Variants in DNAH12 observed in about 807,000 individuals in gnomAD.
DNAH12 encodes dynein axonemal heavy chain 12.
DNAH12 carries 285 observed loss-of-function variants against 371.5 expected under a neutral mutation model. That is an observed-to-expected ratio of 0.77 (90% CI 0.70 to 0.85). The LOEUF (loss-of-function observed/expected upper bound fraction) is 0.85. DNAH12 is among the 40% of genes least tolerant of loss of function. The pLI is 0.00. For missense variants in DNAH12, 3,611 were observed against 3,689.4 expected (o/e 0.98, Z 0.55); for synonymous variants, 1,200 against 1,213.0 (o/e 0.99, Z 0.22).
intron 13 of DNAH12, among the ~76,000 whole-genome samples, chr3:57,479,626 C>T (rs1479721928): frequency 6.6e-6 from 1 of 152,194 alleles, no homozygotes; most frequent in Non-Finnish European, 1.5e-5. Flanking sequence ...ACATTCTTCT[C>T]AGCACCACAC....
At chr3:57,451,736 G>A (rs1304633821) in intron 25 of DNAH12, among the ~76,000 whole-genome samples, 1 of 152,180 alleles carries the variant, frequency 6.6e-6, no homozygotes, top group Non-Finnish European at 1.5e-5. Context: ...CACACCAGGA[G>A]TGTCCGGTGA....
At chr3:57,550,158 G>GT in the DNAH12 span, among the ~76,000 whole-genome samples, 3 of 151,772 alleles carry the variant, frequency 2.0e-5, no homozygotes, top group Non-Finnish European at 4.4e-5. Context: ...ACAAAAAAAA[G>GT]TTTTTTTAAT....
chr3:57,323,651 C>T, intron 62 of DNAH12, 32 bp from the exon 63 acceptor site: 1 of 1,480,204 alleles, frequency 6.8e-7, no homozygotes, highest in Non-Finnish European at 9.0e-7. Flanking sequence ...ATCTTTAGAG[C>T]AACTTTTATT....
intron 42 of DNAH12, among the ~76,000 whole-genome samples, chr3:57,404,686 C>T (rs782728874): frequency 6.6e-6 from 1 of 152,074 alleles, no homozygotes; most frequent in Admixed American, 6.5e-5. Context: ...TGCCATTGCA[C>T]TCCAATCTGG....
intron 59 of DNAH12, among the ~76,000 whole-genome samples, chr3:57,354,418 A>G (rs1321108545): frequency 4.6e-5 from 7 of 152,044 alleles, no homozygotes; most frequent in African/African-American, 1.7e-4. Context: ...TGGGTGATGA[A>G]ATAATCTGTA....
At chr3:57,294,041 T>G in intron 73 of DNAH12, 70 bp from the exon 74 acceptor site, 1 of 1,307,982 alleles carries the variant, frequency 7.6e-7, no homozygotes, top group Non-Finnish European at 1.0e-6. Flanking sequence ...AAAGAACTAT[T>G]TATCTTGTAA....
intron 35 of DNAH12, among the ~76,000 whole-genome samples, chr3:57,422,585 T>C (rs2153361865): frequency 6.6e-6 from 1 of 152,288 alleles, no homozygotes; most frequent in Non-Finnish European, 1.5e-5. Context: ...GAAGGATTGC[T>C]TGAGGCCAGG....
intron 29 of DNAH12, among the ~76,000 whole-genome samples, chr3:57,442,849 C>A (rs948668491): frequency 6.6e-6 from 1 of 152,044 alleles, no homozygotes; most frequent in East Asian, 1.9e-4. Context: ...AATAAAGATG[C>A]CTTTAAGTTA....
chr3:57,310,948 T>C lies in DNAH12; in HGVS notation c.10665A>G (p.Leu3555=), dbSNP rs1232018681. Residue 3555 remains leucine (L), a splice_region_variant and synonymous_variant, in exon 67 of 74, where the codon TTA becomes TTG. Transcript: ENST00000495027. ...GAATTGTATCATATTCATTGATAAA[T>C]AACTGAAGCAAAGGAAAAATGAAAC... The part of the protein sequence containing the change: ...DLRISIRQLQ[L]FINEYDTIPF... 6.5e-7 allele frequency: 1 copy of C among 1,537,826 alleles called. No homozygotes were observed. The highest frequency in any genetic ancestry group is 1.2e-5 in the South Asian group (1 of 82,614).
At chr3:57,487,375 A>AAG (rs71088080) in intron 12 of DNAH12, among the ~76,000 whole-genome samples, 88,665 of 136,450 alleles carry the variant, frequency 0.65, 29,039 homozygotes, top group South Asian at 0.75. Context: ...GAAAGAAAGA[A>AAG]AAAAAAAAAG....
At chr3:57,430,047 C>T (rs1220430978) in intron 32 of DNAH12, among the ~76,000 whole-genome samples, 1 of 151,782 alleles carries the variant, frequency 6.6e-6, no homozygotes, top group African/African-American at 2.4e-5. Context: ...AAGACAAAGT[C>T]CAAAACCTAT....
intron 7 of DNAH12, among the ~76,000 whole-genome samples, 182 bp downstream of exon 7, chr3:57,508,200 C>CAAAAAAAAAAAAA (rs11288020): frequency 1.5e-5 from 2 of 129,174 alleles, no homozygotes. Flanking sequence ...AAAAAAAAAA[C>CAAAAAAAAAAAAA]AAAAAAAAAA....
rs2061234755 is a variant in DNAH12, at chr3:57,296,449, C to A, written c.11533-14G>T. 1.3e-6 allele frequency: 2 copies of A among 1,532,250 alleles called. No homozygotes were observed. Among genetic ancestry groups the A allele is most frequent in the Non-Finnish European group, 1.8e-6 (2 of 1,130,198 alleles). 94.9% of individuals were successfully genotyped at this position (1,532,250 alleles called of 1,614,324 possible). A position where few individuals can be genotyped will look rare whatever the true frequency, so the allele number is the denominator to read the frequency against. The stretch of plus-strand genomic sequence containing the variant: ...AGATGGGATAACCTGAAGGGATAGG[C>A]ACACACTAGCAGTGATCCTCTCCAG... On this transcript the variant is annotated splice_polypyrimidine_tract_variant and intron_variant, in intron 71 of 73. Transcript: ENST00000495027.
intron 58 of DNAH12, among the ~76,000 whole-genome samples, chr3:57,361,515 G>A (rs1250109665): frequency 7.2e-6 from 1 of 138,778 alleles, no homozygotes; most frequent in Non-Finnish European, 1.5e-5. Flanking sequence ...ATCCATTATT[G>A]GCTGTAAACT....
intron 11 of DNAH12, among the ~76,000 whole-genome samples, chr3:57,496,010 G>T (rs1286043072): frequency 2.1e-5 from 3 of 145,446 alleles, no homozygotes; most frequent in African/African-American, 7.5e-5. Flanking sequence ...TATAAGATCA[G>T]GGACTTAAAA....
chr3:57,521,296 T>G (rs2068431088), intron 4 of DNAH12, among the ~76,000 whole-genome samples: 1 of 152,036 alleles, frequency 6.6e-6, no homozygotes, highest in Non-Finnish European at 1.5e-5. Flanking sequence ...GTTTTTTTTA[T>G]TTTATGGATA....
At chr3:57,414,442 T>C (rs915447227) in intron 38 of DNAH12, among the ~76,000 whole-genome samples, 2 of 152,108 alleles carry the variant, frequency 1.3e-5, no homozygotes, top group Admixed American at 6.6e-5. Context: ...GTTATATGGG[T>C]AATTGTGTGT....
intron 69 of DNAH12, 43 bp downstream of exon 69, chr3:57,309,107 AG>A (rs1481980331): frequency 7.1e-7 from 1 of 1,411,738 alleles, no homozygotes; most frequent in African/African-American, 1.5e-5. Flanking sequence ...TATTAATATA[AG>A]AAGACAGTTG....
intron 55 of DNAH12, among the ~76,000 whole-genome samples, chr3:57,370,769 A>G (rs945013656): frequency 1.1e-4 from 16 of 152,192 alleles, no homozygotes; most frequent in Non-Finnish European, 1.9e-4. Context: ...AGATAAAACT[A>G]AAATCCAGAA....
Sources: gnomAD v4.1 joint callset for allele counts (sites outside exome capture counted in the v4.1 genomes callset) on GRCh38, gnomAD v4.1.1 for gene constraint, MANE v1.5 for transcripts, NCBI Gene and HGNC (gene_info 2026-07-23, HGNC 2026-07-21) for gene names.